Variants in ABHD12B observed in about 807,000 individuals in gnomAD.
The protein encoded by ABHD12B is abhydrolase domain containing 12B, also known as protein ABHD12B.
Under a neutral mutation model 50.4 loss-of-function variants are expected in ABHD12B, and 42 were observed. That is an observed-to-expected ratio of 0.83 (90% CI 0.65 to 1.08). The LOEUF is 1.08. ABHD12B is among the 50% of genes least tolerant of loss of function. The pLI is 0.00. For synonymous variants in ABHD12B, 167 were observed against 160.3 expected, an observed-to-expected ratio of 1.04 and a Z score of -0.32; for missense variants, 479 against 447.7, an observed-to-expected ratio of 1.07 and a Z score of -0.63.
At chr14:50,876,421 T>G (rs984990729) in intron 1 of ABHD12B, among the ~76,000 whole-genome samples, 2 of 152,214 alleles carry the variant, frequency 1.3e-5, no homozygotes, top group African/African-American at 2.4e-5. Context: ...TTTAGAGGTC[T>G]TTCTTTGATG....
chr14:50,880,426 T>G, intron 3 of ABHD12B, 26 bp from the exon 4 acceptor site: 3 of 1,569,504 alleles, frequency 1.9e-6, no homozygotes, highest in Non-Finnish European at 2.6e-6. Context: ...CTTTCTACAT[T>G]TGTTTAAACC....
At chr14:50,903,885 T>C (rs1288058871) in intron 11 of ABHD12B, 189 bp from the exon 12 acceptor site, 2 of 591,178 alleles carry the variant, frequency 3.4e-6, no homozygotes, top group Non-Finnish European at 6.0e-6. Context: ...CAGTATTCTA[T>C]ATTAGCTGAG....
At chr14:50,891,793 C>T (rs1461020842) in intron 9 of ABHD12B, 1 of 152,176 alleles carries the variant, frequency 6.6e-6, no homozygotes, top group Non-Finnish European at 1.5e-5. Context: ...AATGGACCTT[C>T]CCCACCACTA....
rs538713376 is a variant in ABHD12B, at chr14:50,904,360, G to A, written c.1083G>A (p.Trp361Ter). ...ACAGAGATTTCCTGAGCAAGCAGTGGTCATGAGTCTGGGAGGAGTGGAAAT... is the reference window on the plus strand; with the variant it reads ...ACAGAGATTTCCTGAGCAAGCAGTGATCATGAGTCTGGGAGGAGTGGAAAT... Reference protein sequence around the residue: ...ITVRDFLSKQWS With the variant: ...ITVRDFLSKQ The change falls in exon 13 of 13, where the codon TGG becomes TGA. Residue 361 changes from tryptophan (W) to a stop codon, truncating the protein, a stop_gained. Coordinates refer to ENST00000337334, the MANE Select transcript of ABHD12B (RefSeq NM_001206673.2). LOFTEE classifies it high-confidence loss of function. The A allele has an allele frequency of 4.3e-5, 70 of 1,613,910 alleles. 1 individual carries two copies. In the South Asian group the frequency reaches 7.4e-4, roughly 17 times the overall value.
intron 9 of ABHD12B, chr14:50,893,657 AT>A (rs895585699): frequency 6.0e-6 from 1 of 167,864 alleles, no homozygotes; most frequent in Non-Finnish European, 1.2e-5. Context: ...TGGGAGATCA[AT>A]CCCCCATCCT....
At chr14:50,883,965 A>C (rs926430020) in intron 5 of ABHD12B, among the ~76,000 whole-genome samples, 1 of 151,456 alleles carries the variant, frequency 6.6e-6, no homozygotes, top group African/African-American at 2.4e-5. Flanking sequence ...GATTGTATCT[A>C]TATATACGTT....
At chr14:50,874,780 G>A (rs376711359) in intron 1 of ABHD12B, among the ~76,000 whole-genome samples, 7 of 152,180 alleles carry the variant, frequency 4.6e-5, no homozygotes, top group South Asian at 2.1e-4. Flanking sequence ...TTTCCACAGC[G>A]TTGGTTCTTT....
At chr14:50,899,009 A>G (rs1299817994) in intron 9 of ABHD12B, among the ~76,000 whole-genome samples, 1 of 152,196 alleles carries the variant, frequency 6.6e-6, no homozygotes, top group Non-Finnish European at 1.5e-5. Flanking sequence ...CCTGGCCAAC[A>G]TGGCGAGACC....
intron 5 of ABHD12B, among the ~76,000 whole-genome samples, chr14:50,883,127 A>G (rs2049983049): frequency 1.3e-5 from 2 of 152,134 alleles, no homozygotes; most frequent in African/African-American, 4.8e-5. Context: ...AGAAGATGGC[A>G]GGCTTTCCAC....
At chr14:50,878,961 C>T in intron 3 of ABHD12B, 114 bp downstream of exon 3, 1 of 795,762 alleles carries the variant, frequency 1.3e-6, no homozygotes, top group Non-Finnish European at 2.1e-6. Context: ...CCTGGAGGTA[C>T]CTGGAGGCTG....
At chr14:50,888,423 C>T (rs2050071226) in intron 8 of ABHD12B, among the ~76,000 whole-genome samples, 1 of 152,068 alleles carries the variant, frequency 6.6e-6, no homozygotes, top group African/African-American at 2.4e-5. Flanking sequence ...AGGATGGTCT[C>T]CATCTCCTGA....
chr14:50,898,536 G>A (rs2050224899), intron 9 of ABHD12B, among the ~76,000 whole-genome samples: 1 of 152,196 alleles, frequency 6.6e-6, no homozygotes, highest in South Asian at 2.1e-4. Flanking sequence ...CCATTGCCAT[G>A]GTCTAGGCTG....
chr14:50,895,889 TA>T (rs1207839043), intron 9 of ABHD12B, among the ~76,000 whole-genome samples: 1 of 152,172 alleles, frequency 6.6e-6, no homozygotes, highest in Non-Finnish European at 1.5e-5. Context: ...AATACTCTTT[TA>T]AGCACTCCTT....
At chr14:50,896,057 C>A (rs1230203459) in intron 9 of ABHD12B, among the ~76,000 whole-genome samples, 4 of 152,112 alleles carry the variant, frequency 2.6e-5, no homozygotes, top group African/African-American at 7.2e-5. Context: ...TATCCCCCGA[C>A]CTTAACCCAC....
chr14:50,902,779 C>T (rs1397890118), intron 10 of ABHD12B, among the ~76,000 whole-genome samples: 3 of 152,120 alleles, frequency 2.0e-5, no homozygotes, highest in African/African-American at 7.2e-5. Flanking sequence ...TTTGGGGGGA[C>T]AGGGAAGCAT....
chr14:50,888,934 C>G (rs201327724), intron 9 of ABHD12B, 31 bp downstream of exon 9: 73 of 1,579,894 alleles, frequency 4.6e-5, no homozygotes, highest in Admixed American at 6.7e-5. Context: ...TACAAGGGAT[C>G]AAAGTAGGCT....
At chr14:50,886,757 G>T in intron 8 of ABHD12B, 73 bp downstream of exon 8, 1 of 1,408,622 alleles carries the variant, frequency 7.1e-7, no homozygotes. Context: ...AGAGACTATT[G>T]TGTACACTTT....
intron 9 of ABHD12B, chr14:50,895,696 A>G (rs893515052): frequency 1.3e-5 from 2 of 152,080 alleles, no homozygotes; most frequent in African/African-American, 4.8e-5. Flanking sequence ...ACAGACGCCG[A>G]GCTTCCGGTA....
intron 11 of ABHD12B, 50 bp downstream of exon 11, chr14:50,903,517 AT>A: frequency 1.1e-5 from 17 of 1,492,218 alleles, no homozygotes; most frequent in East Asian, 6.9e-5. Flanking sequence ...TCATTTCACC[AT>A]TTTTTTCATT....
Sources: allele counts gnomAD v4.1 joint callset (sites outside exome capture counted in the v4.1 genomes callset), GRCh38; gene constraint gnomAD v4.1.1; transcripts MANE v1.5; gene names NCBI Gene and HGNC (gene_info 2026-07-23, HGNC 2026-07-21).